The following LPAR1 variants were observed in gnomAD, a reference collection of about 807,000 sequenced individuals.
LPAR1 encodes the protein lysophosphatidic acid receptor 1, also known as LPA receptor 1.
Under a neutral mutation model 23.8 loss-of-function variants are expected in LPAR1, and 5 were observed. That is an observed-to-expected ratio of 0.21 (90% CI 0.11 to 0.44). The LOEUF is 0.44. Among genes scored for constraint, LPAR1 ranks in the 20% least tolerant of loss-of-function variants. The probability of loss-of-function intolerance (pLI) is 0.99; values close to 1 mark genes in which losing one functional copy is unlikely to be tolerated. For synonymous variants in LPAR1, 160 were observed against 164.7 expected, an observed-to-expected ratio of 0.97 and a Z score of 0.22; for missense variants, 311 against 482.8, an observed-to-expected ratio of 0.64 and a Z score of 3.33.
chr9:110,888,256 G>A (rs574903901), intron 5 of LPAR1, among the ~76,000 whole-genome samples: 3 of 152,116 alleles, frequency 2.0e-5, no homozygotes, highest in South Asian at 4.2e-4. Flanking sequence ...TGTCATATTC[G>A]AAGCAAAAGC....
At chr9:111,016,103 A>G (rs186149661) in intron 2 of LPAR1, among the ~76,000 whole-genome samples, 2 of 152,114 alleles carry the variant, frequency 1.3e-5, no homozygotes, top group African/African-American at 4.8e-5. Flanking sequence ...TCCAAATTCT[A>G]TGCCTGGCAA....
intron 5 of LPAR1, among the ~76,000 whole-genome samples, chr9:110,905,726 C>G (rs559734175): frequency 4.3e-4 from 66 of 152,258 alleles, no homozygotes; most frequent in East Asian, 5.8e-4. Context: ...CTTGCATTTT[C>G]TTATCAGTAA....
At chr9:110,916,493 G>A (rs1000810462) in intron 5 of LPAR1, among the ~76,000 whole-genome samples, 1 of 152,170 alleles carries the variant, frequency 6.6e-6, no homozygotes, top group African/African-American at 2.4e-5. Flanking sequence ...CATAGGATAC[G>A]ATTTACTTTT....
intron 5 of LPAR1, among the ~76,000 whole-genome samples, chr9:110,911,919 TAA>T (rs1473231578): frequency 6.6e-6 from 1 of 152,096 alleles, no homozygotes; most frequent in African/African-American, 2.4e-5. Flanking sequence ...TTAACACTTA[TAA>T]TACAGAAAAG....
chr9:111,036,087 A>G (rs2097888189), intron 2 of LPAR1, 35 bp downstream of exon 2: 1 of 152,232 alleles, frequency 6.6e-6, no homozygotes, highest in Admixed American at 6.5e-5. Context: ...GAACAAAAAT[A>G]GAAGTTTCGA....
intron 2 of LPAR1, among the ~76,000 whole-genome samples, chr9:111,035,875 A>G (rs1053321069): frequency 1.3e-5 from 2 of 152,176 alleles, no homozygotes; most frequent in Non-Finnish European, 2.9e-5. Context: ...CATACTAAGC[A>G]TTTGAAATGA....
At chr9:110,927,949 TC>T (rs2094156712) in intron 5 of LPAR1, among the ~76,000 whole-genome samples, 1 of 152,112 alleles carries the variant, frequency 6.6e-6, no homozygotes. Flanking sequence ...AGAAATGTCT[TC>T]TCAATAAAAA....
chr9:110,906,002 G>A (rs1184004645), intron 5 of LPAR1, among the ~76,000 whole-genome samples: 1 of 152,196 alleles, frequency 6.6e-6, no homozygotes, highest in Non-Finnish European at 1.5e-5. Flanking sequence ...GCTTTCTACA[G>A]TAGCTATTAT....
chr9:110,991,713 A>C (rs940589036), intron 2 of LPAR1, among the ~76,000 whole-genome samples: 18 of 151,986 alleles, frequency 1.2e-4, no homozygotes, highest in African/African-American at 4.4e-4. Context: ...GGTTCGAGCA[A>C]TTCTCCTGCC....
In LPAR1 at chr9:110,874,303, T is replaced by C. The variant is rs1031300568; in HGVS notation, c.*1118A>G. On this transcript the variant is annotated 3_prime_UTR_variant, in exon 6 of 6. Transcript: ENST00000683809. ...GAATATAATATAGCCATTAAAATTA[T>C]GTTTTTGTAAAATTTTTAATGCCAT... 6.6e-6 allele frequency: 1 copy of C among 152,610 alleles called. No individual in the cohort carries two copies. Among genetic ancestry groups the C allele is most frequent in the Non-Finnish European group, 1.5e-5 (1 of 68,032 alleles). 9.5% of individuals were successfully genotyped at this position (152,610 alleles called of 1,614,324 possible).
intron 2 of LPAR1, among the ~76,000 whole-genome samples, chr9:111,003,863 T>C (rs893597419): frequency 1.4e-4 from 21 of 152,138 alleles, no homozygotes; most frequent in African/African-American, 4.3e-4. Context: ...AAAAATATAA[T>C]GGTAAAAATA....
At chr9:110,945,731 G>C (rs982343751) in intron 4 of LPAR1, among the ~76,000 whole-genome samples, 1 of 152,154 alleles carries the variant, frequency 6.6e-6, no homozygotes, top group Non-Finnish European at 1.5e-5. Flanking sequence ...AGCTCTAGGG[G>C]AGAATCCGTT....
At chr9:110,935,314 G>T (rs1339937072) in intron 5 of LPAR1, among the ~76,000 whole-genome samples, 1 of 151,982 alleles carries the variant, frequency 6.6e-6, no homozygotes, top group Non-Finnish European at 1.5e-5. Context: ...TAACCTGGGG[G>T]TCTCGGTCTC....
intron 2 of LPAR1, among the ~76,000 whole-genome samples, chr9:111,034,617 T>A (rs1031492056): frequency 6.6e-6 from 1 of 152,204 alleles, no homozygotes; most frequent in African/African-American, 2.4e-5. Context: ...TTATATAATT[T>A]GAGTAAACAG....
chr9:110,954,546 A>G (rs1323714031), intron 4 of LPAR1, among the ~76,000 whole-genome samples: 1 of 152,186 alleles, frequency 6.6e-6, no homozygotes, highest in Non-Finnish European at 1.5e-5. Flanking sequence ...GTCAAGGACA[A>G]ACAGAGAATT....
chr9:110,964,267 A>G (rs1194757326), intron 4 of LPAR1, among the ~76,000 whole-genome samples: 1 of 150,718 alleles, frequency 6.6e-6, no homozygotes, highest in African/African-American at 2.4e-5. Flanking sequence ...GCAGAAGAGT[A>G]AACTGATCTA....
chr9:110,916,101 T>A (rs1380344867), intron 5 of LPAR1, among the ~76,000 whole-genome samples: 1 of 152,230 alleles, frequency 6.6e-6, no homozygotes, highest in Non-Finnish European at 1.5e-5. Flanking sequence ...TAAATGCATG[T>A]ATACACACAT....
chr9:110,926,696 GT>G (rs35733619), intron 5 of LPAR1, among the ~76,000 whole-genome samples: 5 of 151,632 alleles, frequency 3.3e-5, no homozygotes, highest in African/African-American at 9.7e-5. Flanking sequence ...GTGGTTTTGT[GT>G]TTTTTTTCCC....
rs2096443993 is a variant in LPAR1, at chr9:110,972,112, A to T, written c.6T>A (p.Ala2=). 1 of 1,613,902 alleles carries T rather than the reference A, an allele frequency of 6.2e-7. No homozygotes were observed. The highest frequency in any genetic ancestry group is 1.3e-5 in the African/African-American group (1 of 74,928). Reference sequence around the variant, plus strand: ...TTACAGGGATGGAAGTAGAGATGGCAGCCATGACAGCTCTGTGGTTGTAGG... The same window carrying T: ...TTACAGGGATGGAAGTAGAGATGGCTGCCATGACAGCTCTGTGGTTGTAGG... The part of the protein sequence containing the change: M[A]AISTSIPVIS... The change falls in exon 4 of 6, where the codon GCT becomes GCA. Residue 2 remains alanine (A), a synonymous_variant. Transcript: ENST00000683809.
Sources: allele counts gnomAD v4.1 joint callset (sites outside exome capture counted in the v4.1 genomes callset), GRCh38; gene constraint gnomAD v4.1.1; transcripts MANE v1.5; gene names NCBI Gene and HGNC (gene_info 2026-07-23, HGNC 2026-07-21).